DOCK3: variants seen among roughly 807,000 people sequenced by gnomAD.
The protein encoded by DOCK3 is dedicator of cytokinesis 3, also known as dedicator of cytokinesis protein 3.
DOCK3 carries 60 observed loss-of-function variants against 265.6 expected under a neutral mutation model. The ratio of observed to expected loss-of-function variants is 0.23; its 90% CI spans 0.18 to 0.28. The LOEUF (loss-of-function observed/expected upper bound fraction) is 0.28, where lower values mean the gene tolerates loss of function less well. DOCK3 is among the 10% of genes least tolerant of loss of function. DOCK3 has a pLI of 1.00. For synonymous variants in DOCK3, 881 were observed against 938.0 expected, an observed-to-expected ratio of 0.94 and a Z score of 1.11; for missense variants, 1,981 against 2,594.3, an observed-to-expected ratio of 0.76 and a Z score of 5.14.
At chr3:50,901,155 C>A (rs1269566116) in intron 4 of DOCK3, among the ~76,000 whole-genome samples, 1 of 151,378 alleles carries the variant, frequency 6.6e-6, no homozygotes, top group African/African-American at 2.4e-5. Flanking sequence ...TGCTGCCTTT[C>A]TTTTAGAGAT....
At chr3:50,789,884 C>T (rs1198279128) in intron 2 of DOCK3, among the ~76,000 whole-genome samples, 1 of 152,108 alleles carries the variant, frequency 6.6e-6, no homozygotes, top group East Asian at 1.9e-4. Context: ...TAGTCATGCA[C>T]TAGCATGCCT....
At chr3:51,241,294 T>C (rs1377468099) in intron 21 of DOCK3, among the ~76,000 whole-genome samples, 1 of 152,252 alleles carries the variant, frequency 6.6e-6, no homozygotes, top group African/African-American at 2.4e-5. Context: ...GATCCACTTT[T>C]AGTCTCATGA....
At chr3:50,687,229 G>GA (rs957377133) in intron 1 of DOCK3, among the ~76,000 whole-genome samples, 5 of 150,972 alleles carry the variant, frequency 3.3e-5, no homozygotes, top group African/African-American at 7.3e-5. Context: ...AAAAAAAAAA[G>GA]AAAAAAAAAT....
intron 27 of DOCK3, among the ~76,000 whole-genome samples, chr3:51,304,522 A>G (rs1168733687): frequency 1.3e-5 from 2 of 151,976 alleles, no homozygotes; most frequent in Non-Finnish European, 2.9e-5. Flanking sequence ...GGGGGAACTC[A>G]GTTGTCTTAG....
chr3:50,953,487 AG>A (rs1361455384), intron 5 of DOCK3, among the ~76,000 whole-genome samples: 2 of 152,138 alleles, frequency 1.3e-5, no homozygotes, highest in Admixed American at 1.3e-4. Context: ...GAGAACTCAT[AG>A]GAACAGGAAA....
At chr3:50,722,795 A>G (rs1208154441) in intron 1 of DOCK3, among the ~76,000 whole-genome samples, 2 of 140,042 alleles carry the variant, frequency 1.4e-5, no homozygotes, top group Non-Finnish European at 3.0e-5. Context: ...CTCTTGAGAC[A>G]GGGTCTGGCT....
chr3:50,968,010 A>C (rs770441419), intron 5 of DOCK3, among the ~76,000 whole-genome samples: 3 of 152,116 alleles, frequency 2.0e-5, no homozygotes, highest in Non-Finnish European at 4.4e-5. Flanking sequence ...AGTGTGTAAG[A>C]GTTGCCTTTT....
At position 51,160,569 on chromosome 3, in the gene DOCK3, A is replaced by G. The variant is rs376780046; in HGVS notation, c.904A>G (p.Asn302Asp). ...HVIRIGRMLL[N>D]DSKKGPPHLH... The stretch of plus-strand genomic sequence containing the variant: ...CTGTGCCCAAGGCCGGATGCTCCTG[A>G]ACGACTCAAAGAAAGGTCCTCCTCA... The change falls in exon 12 of 53, where the codon AAC becomes GAC. Residue 302 changes from asparagine (N) to aspartate (D), a missense_variant. Around this residue, in one of 4 missense-constraint regions of DOCK3, gnomAD observed 456 missense variants for 539.0 expected, o/e 0.85. Coordinates refer to ENST00000266037, the MANE Select transcript of DOCK3 (RefSeq NM_004947.5). 1 of 1,611,618 alleles carries G rather than the reference A, an allele frequency of 6.2e-7. No homozygotes were observed. The highest frequency in any genetic ancestry group is 1.3e-5 in the African/African-American group (1 of 74,794).
intron 6 of DOCK3, among the ~76,000 whole-genome samples, chr3:51,071,510 C>A (rs961555820): frequency 2.0e-5 from 3 of 152,136 alleles, no homozygotes; most frequent in African/African-American, 7.2e-5. Flanking sequence ...ATCCCTATAA[C>A]TCTAAGCTAA....
rs2088659577 is a variant in DOCK3 at position 51,381,652 on chromosome 3, A to C, written c.*93A>C. 7 of 1,426,756 alleles carry C rather than the reference A, an allele frequency of 4.9e-6. No individual in the cohort carries two copies. Among genetic ancestry groups the C allele is most frequent in the Non-Finnish European group, 6.4e-6 (7 of 1,092,806 alleles). The allele number at this position is 1,426,756 out of a possible 1,614,324, so 88.4% of individuals were successfully genotyped here. On this transcript the variant is annotated 3_prime_UTR_variant, in exon 53 of 53. Transcript: ENST00000266037. The surrounding 1 kb of genome is among the most constrained non-coding windows in gnomAD (Gnocchi z 5.6). ...CAAGTCCCCCAGCCCCACCCCAGGGAGCCAGAGAGGCTTGCACTCAGGAGA... is the reference window on the plus strand; with the variant it reads ...CAAGTCCCCCAGCCCCACCCCAGGGCGCCAGAGAGGCTTGCACTCAGGAGA...
At chr3:51,066,703 G>A (rs772064035) in intron 6 of DOCK3, among the ~76,000 whole-genome samples, 1 of 152,118 alleles carries the variant, frequency 6.6e-6, no homozygotes, top group Non-Finnish European at 1.5e-5. Flanking sequence ...CAGGAAAGAG[G>A]AAACATGGAA....
intron 9 of DOCK3, among the ~76,000 whole-genome samples, chr3:51,121,681 TA>T (rs935113315): frequency 1.3e-5 from 2 of 152,108 alleles, no homozygotes; most frequent in Non-Finnish European, 2.9e-5. Context: ...AGGAGAAATG[TA>T]AAGGTCTGGA....
At chr3:50,751,132 G>C (rs2108306322) in intron 1 of DOCK3, among the ~76,000 whole-genome samples, 1 of 152,276 alleles carries the variant, frequency 6.6e-6, no homozygotes, top group South Asian at 2.1e-4. Context: ...TGATATTTTT[G>C]TGGGTATCTA....
intron 9 of DOCK3, among the ~76,000 whole-genome samples, chr3:51,125,479 C>T (rs926804045): frequency 1.3e-5 from 2 of 152,186 alleles, no homozygotes; most frequent in African/African-American, 4.8e-5. Flanking sequence ...CCTTTCTCAT[C>T]AGGATTCCCT....
intron 5 of DOCK3, among the ~76,000 whole-genome samples, chr3:51,016,675 A>G (rs1325160639): frequency 2.7e-5 from 1 of 36,470 alleles, no homozygotes; most frequent in Non-Finnish European, 5.2e-5. Flanking sequence ...TATGATATAT[A>G]TTTATATATC....
intron 38 of DOCK3, among the ~76,000 whole-genome samples, chr3:51,343,626 G>T (rs1474393816): frequency 6.6e-6 from 1 of 152,240 alleles, no homozygotes; most frequent in African/African-American, 2.4e-5. Flanking sequence ...CAAAGGAAAA[G>T]ATGTAGATGG....
intron 5 of DOCK3, among the ~76,000 whole-genome samples, chr3:50,965,517 A>G (rs2077002035): frequency 6.6e-6 from 1 of 152,130 alleles, no homozygotes; most frequent in Non-Finnish European, 1.5e-5. Context: ...CTTTATGCCA[A>G]TAAATTTGAC....
intron 9 of DOCK3, among the ~76,000 whole-genome samples, chr3:51,101,100 C>T (rs181155646): frequency 2.7e-5 from 4 of 146,988 alleles, no homozygotes; most frequent in East Asian, 4.1e-4. Context: ...CTACCATGCT[C>T]GGCTTAGTCT....
chr3:50,812,153 T>C (rs905654307), intron 2 of DOCK3, among the ~76,000 whole-genome samples: 1 of 152,196 alleles, frequency 6.6e-6, no homozygotes. Context: ...TGGAAAGGCA[T>C]GAATGAGTCG....
Sources: gnomAD v4.1 joint callset for allele counts (sites outside exome capture counted in the v4.1 genomes callset) on GRCh38, gnomAD v4.1.1 for gene constraint, gnomAD v4.1.1 regional missense constraint, Gnocchi (gnomAD v3.1) non-coding constraint, MANE v1.5 for transcripts, NCBI Gene and HGNC (gene_info 2026-07-23, HGNC 2026-07-21) for gene names.